SH3RF3: variants seen among roughly 807,000 people sequenced by gnomAD.
SH3RF3 encodes SH3 domain containing ring finger 3.
In SH3RF3, 29 loss-of-function variants were observed where a neutral mutation model predicts 66.3. That is an observed-to-expected ratio of 0.44 (90% confidence interval 0.33 to 0.60). SH3RF3 has a LOEUF of 0.60. SH3RF3 is among the 20% of genes least tolerant of loss of function. The probability of loss-of-function intolerance (pLI) is 0.04; values close to 1 mark genes in which losing one functional copy is unlikely to be tolerated. For missense variants in SH3RF3, 1,194 were observed against 1,190.9 expected, an observed-to-expected ratio of 1.00 and a Z score of -0.04; for synonymous variants, 583 against 532.0, an observed-to-expected ratio of 1.10 and a Z score of -1.32.
intron 9 of SH3RF3, among the ~76,000 whole-genome samples, chr2:109,495,448 G>A (rs74204843): frequency 0.26 from 38,270 of 147,508 alleles, 5,295 homozygotes; most frequent in East Asian, 0.51. Flanking sequence ...GCCACCTACC[G>A]GCCATTTCAT....
intron 3 of SH3RF3, among the ~76,000 whole-genome samples, chr2:109,390,393 T>G (rs1430125917): frequency 1.3e-5 from 2 of 152,210 alleles, no homozygotes; most frequent in Admixed American, 6.5e-5. Flanking sequence ...CTCCTGGTAC[T>G]TTTATGGACT....
chr2:109,208,115 TG>T (rs1678884683), intron 1 of SH3RF3, among the ~76,000 whole-genome samples: 2 of 152,264 alleles, frequency 1.3e-5, no homozygotes, highest in South Asian at 4.1e-4. Flanking sequence ...ACACACATGC[TG>T]CTGCCCCCAT....
intron 2 of SH3RF3, among the ~76,000 whole-genome samples, chr2:109,359,795 C>T (rs1390339625): frequency 2.0e-5 from 3 of 152,120 alleles, no homozygotes; most frequent in Non-Finnish European, 4.4e-5. Context: ...AAGACCCTCC[C>T]AGGCCCCTTC....
intron 3 of SH3RF3, among the ~76,000 whole-genome samples, chr2:109,398,054 A>G (rs1190066265): frequency 1.3e-5 from 2 of 152,102 alleles, no homozygotes; most frequent in Admixed American, 1.3e-4. Context: ...TACTGAAAAG[A>G]GCTTCTGTGG....
chr2:109,226,890 C>A (rs561115123), intron 1 of SH3RF3, among the ~76,000 whole-genome samples: 1 of 152,304 alleles, frequency 6.6e-6, no homozygotes, highest in East Asian at 1.9e-4. Context: ...CAGAGAGAAG[C>A]AAAGCCGTGT....
At chr2:109,263,235 C>G (rs1680403226) in intron 1 of SH3RF3, among the ~76,000 whole-genome samples, 1 of 152,170 alleles carries the variant, frequency 6.6e-6, no homozygotes, top group Admixed American at 6.5e-5. Flanking sequence ...TACTAGTGCT[C>G]TTTGTCATTT....
chr2:109,310,634 A>G (rs1681703073), intron 1 of SH3RF3, among the ~76,000 whole-genome samples: 1 of 67,862 alleles, frequency 1.5e-5, no homozygotes, highest in Non-Finnish European at 2.4e-5. Context: ...AATCAAATAG[A>G]CACAATAAAA....
intron 1 of SH3RF3, among the ~76,000 whole-genome samples, chr2:109,330,941 T>C (rs1415390128): frequency 1.3e-5 from 2 of 152,158 alleles, no homozygotes; most frequent in Non-Finnish European, 2.9e-5. Flanking sequence ...GCAGTGGAAG[T>C]CCCCAGCAAG....
At chr2:109,154,765 C>CA (rs1677298931) in intron 1 of SH3RF3, among the ~76,000 whole-genome samples, 1 of 152,156 alleles carries the variant, frequency 6.6e-6, no homozygotes, top group Non-Finnish European at 1.5e-5. Flanking sequence ...TTAGAAGTCT[C>CA]AGAGTGTATG....
chr2:109,186,379 C>A (rs751989254), intron 1 of SH3RF3, among the ~76,000 whole-genome samples: 4 of 152,336 alleles, frequency 2.6e-5, no homozygotes, highest in East Asian at 1.9e-4. Context: ...TGTGTGAGGT[C>A]ACATAGCATT....
intron 1 of SH3RF3, among the ~76,000 whole-genome samples, chr2:109,194,912 AAAAG>A (rs751295189): frequency 6.6e-6 from 1 of 152,176 alleles, no homozygotes; most frequent in East Asian, 1.9e-4. Context: ...AGAAAAAAGA[AAAAG>A]AAAAAAATCC....
At chr2:109,490,455 C>T in intron 8 of SH3RF3, 150 bp from the exon 9 acceptor site, 1 of 644,358 alleles carries the variant, frequency 1.6e-6, no homozygotes, top group Non-Finnish European at 2.4e-6. Flanking sequence ...CTGGCTACTG[C>T]TGTTGCTGTG....
At chr2:109,142,191 C>T (rs182535369) in intron 1 of SH3RF3, among the ~76,000 whole-genome samples, 35 of 152,260 alleles carry the variant, frequency 2.3e-4, no homozygotes, top group Admixed American at 6.5e-4. Flanking sequence ...GCCCCCTGGG[C>T]GGACTCTTGC....
At position 109,279,967 on chromosome 2, in the gene SH3RF3, A is replaced by C. The variant is rs1056577533; in HGVS notation, c.574-67707A>C. Reference sequence around the variant, plus strand: ...GGTGAGGGGTGAGAGGGCCCCAAAAACACACCCCCTGGGCCACGGTTTCTC... The same window carrying C: ...GGTGAGGGGTGAGAGGGCCCCAAAACCACACCCCCTGGGCCACGGTTTCTC... On this transcript the variant is annotated intron_variant, in intron 1 of 9. Transcript: ENST00000309415. 7.9e-5 allele frequency among the ~76,000 whole-genome samples: 12 copies of C among 151,782 alleles called. 1 individual carries two copies. The highest frequency in any genetic ancestry group is 2.7e-4 in the African/African-American group (11 of 41,276).
At chr2:109,358,995 GT>G (rs144561805) in intron 2 of SH3RF3, among the ~76,000 whole-genome samples, 1,868 of 152,260 alleles carry the variant, frequency 0.012, 40 homozygotes, top group African/African-American at 0.038. Flanking sequence ...TTTTTTGCAT[GT>G]GGATGTCTAG....
chr2:109,485,038 G>T (rs187297430), intron 8 of SH3RF3, among the ~76,000 whole-genome samples: 25 of 152,214 alleles, frequency 1.6e-4, no homozygotes, highest in Non-Finnish European at 1.9e-4. Flanking sequence ...ACCCATCAGC[G>T]TGTGCAGCGC....
At chr2:109,355,394 C>T (rs1682928667) in intron 2 of SH3RF3, among the ~76,000 whole-genome samples, 1 of 152,156 alleles carries the variant, frequency 6.6e-6, no homozygotes, top group East Asian at 1.9e-4. Flanking sequence ...GGTTGGTGGA[C>T]TAGGACTCTC....
intron 1 of SH3RF3, among the ~76,000 whole-genome samples, chr2:109,225,909 T>G (rs2105166198): frequency 6.6e-6 from 1 of 152,284 alleles, no homozygotes; most frequent in Admixed American, 6.5e-5. Flanking sequence ...GGGACTATAG[T>G]CGCTTTCCAC....
chr2:109,455,879 T>TG (rs755802599), intron 8 of SH3RF3, among the ~76,000 whole-genome samples: 8 of 152,014 alleles, frequency 5.3e-5, no homozygotes, highest in Non-Finnish European at 8.8e-5. Context: ...CCAACCAGGG[T>TG]GGGGAGGGGC....
Sources: gnomAD v4.1 joint callset for allele counts (sites outside exome capture counted in the v4.1 genomes callset) on GRCh38, gnomAD v4.1.1 for gene constraint, MANE v1.5 for transcripts, NCBI Gene and HGNC (gene_info 2026-07-23, HGNC 2026-07-21) for gene names.